The following GPM6A variants were observed in gnomAD, a reference collection of about 807,000 sequenced individuals.
GPM6A encodes the protein neuronal membrane glycoprotein M6-a.
In GPM6A, 7 loss-of-function variants were observed where a neutral mutation model predicts 32.1. That is an observed-to-expected ratio of 0.22 (90% CI 0.12 to 0.41). The LOEUF (loss-of-function observed/expected upper bound fraction) is 0.41, where lower values mean the gene tolerates loss of function less well. GPM6A is among the 10% of genes least tolerant of loss of function. GPM6A has a pLI of 1.00. For synonymous variants in GPM6A, 130 were observed against 123.4 expected, an observed-to-expected ratio of 1.05 and a Z score of -0.35; for missense variants, 235 against 347.2, an observed-to-expected ratio of 0.68 and a Z score of 2.57.
At chr4:175,735,850 G>GA (rs1349436852) in intron 1 of GPM6A, among the ~76,000 whole-genome samples, 3 of 151,980 alleles carry the variant, frequency 2.0e-5, no homozygotes, top group Non-Finnish European at 4.4e-5. Flanking sequence ...GTGAACCACT[G>GA]CCCCCTGTCT....
chr4:175,671,882 G>A (rs1201896609), intron 3 of GPM6A, among the ~76,000 whole-genome samples: 1 of 150,656 alleles, frequency 6.6e-6, no homozygotes, highest in East Asian at 2.0e-4. Context: ...ATCTTGCTGG[G>A]CTGACACCCT....
intron 1 of GPM6A, chr4:175,806,039 C>T (rs954064219): frequency 6.6e-6 from 1 of 152,184 alleles, no homozygotes; most frequent in Non-Finnish European, 1.5e-5. Flanking sequence ...CACAGCTGTG[C>T]CACCTGTTAG....
At chr4:175,765,094 G>A (rs553473463) in intron 1 of GPM6A, among the ~76,000 whole-genome samples, 2 of 151,948 alleles carry the variant, frequency 1.3e-5, no homozygotes, top group Admixed American at 6.6e-5. Flanking sequence ...GGCTGGTCTC[G>A]AACTCCTGAC....
At chr4:175,782,410 C>A (rs1291444314) in intron 1 of GPM6A, among the ~76,000 whole-genome samples, 1 of 152,060 alleles carries the variant, frequency 6.6e-6, no homozygotes, top group Non-Finnish European at 1.5e-5. Flanking sequence ...TCTAAAATCT[C>A]AACTGAAAGA....
intron 1 of GPM6A, among the ~76,000 whole-genome samples, chr4:175,868,574 T>C (rs540616592): frequency 5.9e-5 from 9 of 152,344 alleles, no homozygotes; most frequent in South Asian, 2.1e-4. Context: ...TTTTCCTTAA[T>C]TTGTTATTCA....
intron 1 of GPM6A, among the ~76,000 whole-genome samples, chr4:175,872,287 G>A (rs901075591): frequency 6.6e-6 from 1 of 152,106 alleles, no homozygotes; most frequent in African/African-American, 2.4e-5. Context: ...CTGAACACTT[G>A]TCTCCACCTC....
intron 1 of GPM6A, among the ~76,000 whole-genome samples, chr4:175,896,295 G>T (rs1434464850): frequency 1.3e-5 from 2 of 152,012 alleles, no homozygotes; most frequent in South Asian, 2.1e-4. Flanking sequence ...AGTTCCTCAG[G>T]CCACAAAGTT....
intron 1 of GPM6A, among the ~76,000 whole-genome samples, chr4:175,908,612 C>A (rs947228507): frequency 1.3e-5 from 2 of 151,986 alleles, no homozygotes; most frequent in African/African-American, 2.4e-5. Flanking sequence ...ATCAAAGGGG[C>A]CTTTATAGGA....
At chr4:175,719,082 A>T (rs192462780) in intron 1 of GPM6A, among the ~76,000 whole-genome samples, 2 of 152,322 alleles carry the variant, frequency 1.3e-5, no homozygotes, top group East Asian at 3.9e-4. Flanking sequence ...TTTTAATGCA[A>T]TCTGGCTTTT....
intron 3 of GPM6A, among the ~76,000 whole-genome samples, chr4:175,672,002 G>T (rs150311065): frequency 7.3e-6 from 1 of 137,718 alleles, no homozygotes. Context: ...AAAAAAGAAA[G>T]AAAGAAAACG....
Position 175,651,872 on chromosome 4 carries a change from A to G in GPM6A, c.503T>C (p.Val168Ala), listed in dbSNP as rs762944128. 2 of 1,613,470 alleles carry G rather than the reference A, an allele frequency of 1.2e-6. No individual in the cohort carries two copies. The change falls in exon 4 of 7, where the codon GTG becomes GCG. Residue 168 changes from valine to alanine, a missense_variant. Transcript: ENST00000393658. ...LWTICRNTTLVEGANLCLDLR... is the reference protein window; with the variant it reads ...LWTICRNTTLAEGANLCLDLR... ...GTCCAAGCAGAGATTTGCTCCCTCCACTAATGTGGTGTTCCGGCAGATGGT... is the reference window on the plus strand; with the variant it reads ...GTCCAAGCAGAGATTTGCTCCCTCCGCTAATGTGGTGTTCCGGCAGATGGT...
chr4:175,865,186 T>C (rs1475494660), intron 1 of GPM6A, among the ~76,000 whole-genome samples: 2 of 152,216 alleles, frequency 1.3e-5, no homozygotes, highest in African/African-American at 2.4e-5. Context: ...AGCACAATTG[T>C]TAAAAAGATG....
intron 6 of GPM6A, 55 bp from the exon 7 acceptor site, chr4:175,635,112 A>C: frequency 7.5e-7 from 1 of 1,335,946 alleles, no homozygotes; most frequent in Non-Finnish European, 1.1e-6. Context: ...TCTTCATTAC[A>C]CCTTGCTATC....
intron 3 of GPM6A, among the ~76,000 whole-genome samples, chr4:175,660,877 A>C (rs955705932): frequency 6.6e-6 from 1 of 152,212 alleles, no homozygotes. Context: ...ACAGTGTGAC[A>C]CTTTTTACTA....
chr4:175,679,644 C>T (rs1196882150), intron 2 of GPM6A, among the ~76,000 whole-genome samples: 1 of 152,140 alleles, frequency 6.6e-6, no homozygotes, highest in African/African-American at 2.4e-5. Context: ...TTGCAAATAG[C>T]ACTAGGTATT....
Position 175,727,166 on chromosome 4 carries a change from T to C in GPM6A, c.38-25399A>G, listed in dbSNP as rs571987585. 3.3e-5 allele frequency among the ~76,000 whole-genome samples: 5 copies of C among 152,310 alleles called. No homozygotes were observed. The East Asian group carries it at 9.6e-4, about 29-fold the overall frequency. On this transcript the variant is annotated intron_variant, in intron 1 of 6. Coordinates refer to ENST00000393658, the MANE Select transcript of GPM6A (RefSeq NM_201591.3). The stretch of plus-strand genomic sequence containing the variant: ...AGGAAAATAGCACTAATTGACATTA[T>C]GTCATCGGTATTACCAAAAGATAAC...
chr4:175,863,841 A>G (rs1475868659), intron 1 of GPM6A, among the ~76,000 whole-genome samples: 1 of 152,084 alleles, frequency 6.6e-6, no homozygotes, highest in Non-Finnish European at 1.5e-5. Flanking sequence ...GTCTCTAGAG[A>G]AAATAAAAAA....
upstream of GPM6A, among the ~76,000 whole-genome samples, chr4:175,816,387 C>T (rs1042474931): frequency 3.9e-5 from 6 of 152,080 alleles, no homozygotes; most frequent in Admixed American, 2.6e-4. Context: ...TTGGAGCTTC[C>T]TTTAACACTT....
At chr4:175,993,167 CCTTA>C (rs1403993392) in intron 1 of GPM6A, among the ~76,000 whole-genome samples, 2 of 149,366 alleles carry the variant, frequency 1.3e-5, no homozygotes, top group Non-Finnish European at 3.0e-5. Context: ...CCTCTTTCTT[CCTTA>C]CTTTTCTTCC....
Sources: gnomAD v4.1 joint callset for allele counts (sites outside exome capture counted in the v4.1 genomes callset) on GRCh38, gnomAD v4.1.1 for gene constraint, MANE v1.5 for transcripts, NCBI Gene and HGNC (gene_info 2026-07-23, HGNC 2026-07-21) for gene names.